CELSR1: variants seen among roughly 807,000 people sequenced by gnomAD.
CELSR1 encodes the protein cadherin EGF LAG seven-pass G-type receptor 1, also known as adhesion G protein-coupled receptor C1.
In CELSR1, 110 loss-of-function variants were observed where a neutral mutation model predicts 249.1. That is an observed-to-expected ratio of 0.44 (90% CI 0.38 to 0.52). The LOEUF (loss-of-function observed/expected upper bound fraction) is 0.52, where lower values mean the gene tolerates loss of function less well. Ranked by LOEUF, CELSR1 falls within the 20% of genes least tolerant of loss-of-function variation. The pLI is 0.00. For synonymous variants in CELSR1, 2,113 were observed against 1,900.0 expected (o/e 1.11, Z -2.92); for missense variants, 4,109 against 4,296.4 (o/e 0.96, Z 1.22).
At chr22:46,522,679 T>C (rs113585267) in intron 1 of CELSR1, among the ~76,000 whole-genome samples, 3 of 152,330 alleles carry the variant, frequency 2.0e-5, no homozygotes, top group African/African-American at 7.2e-5. Flanking sequence ...AAAAGGAGGT[T>C]TCCCCAATCA....
At position 46,386,546 on chromosome 22, in the gene CELSR1, T is replaced by C. The variant is rs2079036111; in HGVS notation, c.6595A>G (p.Thr2199Ala). The change falls in exon 19 of 35, where the codon ACC becomes GCC. Residue 2199 changes from threonine (T) to alanine (A), a missense_variant. This residue lies in a region of CELSR1 where 1,805 missense variants were observed against 1,831.6 expected (regional missense o/e 0.99). Coordinates refer to ENST00000674500, the MANE Select transcript of CELSR1 (RefSeq NM_001378328.1). ...HSGSALLAPATRAAWEQIQRS... is the reference protein window; with the variant it reads ...HSGSALLAPAARAAWEQIQRS... ...TGGATCTGCTCCCACGCCGCCCTGG[T>C]GGCTGGGGCCAGGAGGGCGCTGCCC... 6.3e-7 allele frequency: 1 copy of C among 1,598,850 alleles called. No homozygotes were observed. Among genetic ancestry groups the C allele is most frequent in the Non-Finnish European group, 8.5e-7 (1 of 1,174,848 alleles).
At chr22:46,385,193 C>T (rs1283230745) in intron 19 of CELSR1, among the ~76,000 whole-genome samples, 2 of 152,162 alleles carry the variant, frequency 1.3e-5, no homozygotes, top group Non-Finnish European at 2.9e-5. Context: ...CTCCTGCGCT[C>T]AAGCGATCCT....
chr22:46,394,370 G>A (rs956414446), intron 13 of CELSR1, 108 bp from the exon 14 acceptor site: 2 of 1,352,092 alleles, frequency 1.5e-6, no homozygotes, highest in Non-Finnish European at 1.0e-6. Flanking sequence ...GGCCTGGCTG[G>A]GTCCAGCTCT....
intron 1 of CELSR1, among the ~76,000 whole-genome samples, chr22:46,477,392 C>G (rs3788707): frequency 0.66 from 100,117 of 152,102 alleles, 33,635 homozygotes; most frequent in East Asian, 0.85. Context: ...GCATTCGTTT[C>G]CTGAACAGGA....
rs1474404428 is a variant in CELSR1 at position 46,526,183 on chromosome 22, T to C, written c.3544+7444A>G. 6.6e-6 allele frequency among the ~76,000 whole-genome samples: 1 copy of C among 152,114 alleles called. No homozygotes were observed. Among genetic ancestry groups the C allele is most frequent in the Non-Finnish European group, 1.5e-5 (1 of 67,998 alleles). The stretch of plus-strand genomic sequence containing the variant: ...TTCCCGTCCGCCTCCTGCTCCTCCA[T>C]TCCCTCCAGGTCTGATGACTCAGAG... On this transcript the variant is annotated intron_variant, in intron 1 of 34. Transcript: ENST00000674500. The surrounding 1 kb of genome is among the most constrained non-coding windows in gnomAD (Gnocchi z 4.7).
intron 25 of CELSR1, among the ~76,000 whole-genome samples, chr22:46,372,514 A>C (rs1464394747): frequency 1.9e-4 from 10 of 51,396 alleles, no homozygotes; most frequent in South Asian, 7.5e-4. Context: ...CTCACCCCCC[A>C]CCCACCCATT....
In CELSR1 at chr22:46,363,488, C is replaced by T; in HGVS notation, c.9036-241G>A. The T allele has an allele frequency of 4.3e-6, 2 of 462,064 alleles. No homozygotes were observed. Among genetic ancestry groups the T allele is most frequent in the South Asian group, 5.4e-5 (2 of 36,962 alleles). 28.6% of individuals were successfully genotyped at this position (462,064 alleles called of 1,614,324 possible). ...CTTTCAGAAGAGCGCAAGGAATCCA[C>T]GTTAGAAACCGGCCATCTCTACAGT... On this transcript the variant is annotated intron_variant, in intron 34 of 34. Transcript: ENST00000674500. This position sits in a 1 kb window ranked among gnomAD's most constrained non-coding sequence, Gnocchi z 4.3.
Position 46,468,841 on chromosome 22 carries a change from C to T in CELSR1, c.3545-4496G>A, listed in dbSNP as rs975663115. On this transcript the variant is annotated intron_variant, in intron 1 of 34. Coordinates refer to ENST00000674500, the MANE Select transcript of CELSR1 (RefSeq NM_001378328.1). The surrounding 1 kb of genome is among the most constrained non-coding windows in gnomAD (Gnocchi z 4.5). The stretch of plus-strand genomic sequence containing the variant: ...CTGAAATCCCAGCACTTTGGGAGGC[C>T]GAGGCGGCAGATCACCTGAGGTCAG... Among the ~76,000 whole-genome samples the T allele has an allele frequency of 4.6e-5, 7 of 152,018 alleles. No homozygotes were observed. Among genetic ancestry groups the T allele is most frequent in the South Asian group, 2.1e-4 (1 of 4,818 alleles).
chr22:46,460,397 C>T (rs569365560), intron 2 of CELSR1, among the ~76,000 whole-genome samples: 51 of 152,288 alleles, frequency 3.3e-4, no homozygotes, highest in African/African-American at 1.2e-3. Context: ...AGCAGGTGTA[C>T]AGCTGCGGAA....
chr22:46,431,043 A>T (rs1318902814), intron 5 of CELSR1, among the ~76,000 whole-genome samples: 1 of 152,246 alleles, frequency 6.6e-6, no homozygotes, highest in Non-Finnish European at 1.5e-5. Flanking sequence ...CTCGCAGGAA[A>T]GGCCTAATCC....
intron 20 of CELSR1, 29 bp downstream of exon 20, chr22:46,384,514 G>A (rs1437682570): frequency 1.9e-6 from 3 of 1,564,440 alleles, no homozygotes; most frequent in East Asian, 4.6e-5. Flanking sequence ...GGACTCCGAG[G>A]GCAGCAGCAG....
At chr22:46,521,620 C>A (rs2080686802) in intron 1 of CELSR1, among the ~76,000 whole-genome samples, 1 of 152,090 alleles carries the variant, frequency 6.6e-6, no homozygotes, top group Admixed American at 6.6e-5. Flanking sequence ...AATTCGAGAC[C>A]ATCCTGGCCA....
rs140392713 is a variant in CELSR1, at chr22:46,503,348, G to A, written c.3544+30279C>T. ...GGGCAGCTGAGAGGGTGCTGAGCAC[G>A]CAGGACGGGAGCCACACCTGTACTT... is the stretch of plus-strand genomic sequence containing the variant. On this transcript the variant is annotated intron_variant, in intron 1 of 34. Transcript: ENST00000674500. 3.7e-4 allele frequency among the ~76,000 whole-genome samples: 57 copies of A among 152,330 alleles called. No individual in the cohort carries two copies. In the East Asian group the frequency reaches 9.8e-3, roughly 26 times the overall value.
rs987311181 is a variant in CELSR1 at position 46,363,109 on chromosome 22, G to C, written c.*114C>G. The C allele has an allele frequency of 1.2e-6, 2 of 1,610,650 alleles. No individual in the cohort carries two copies. Among genetic ancestry groups the C allele is most frequent in the African/African-American group, 2.7e-5 (2 of 74,872 alleles). On this transcript the variant is annotated 3_prime_UTR_variant, in exon 35 of 35. Coordinates refer to ENST00000674500, the MANE Select transcript of CELSR1 (RefSeq NM_001378328.1). The surrounding 1 kb of genome is among the most constrained non-coding windows in gnomAD (Gnocchi z 4.3). ...ACACTCTGGGCCCACTCCACTTCAA[G>C]GGCAGTGGCCCCTTGGGCTCCAAGG...
At chr22:46,366,522 A>C in intron 29 of CELSR1, 42 bp from the exon 30 acceptor site, 1 of 1,409,744 alleles carries the variant, frequency 7.1e-7, no homozygotes, top group Non-Finnish European at 9.8e-7. Context: ...AGTGGTGGCC[A>C]CCACATGACC....
chr22:46,382,047 C>A lies in CELSR1; in HGVS notation c.6887G>T (p.Gly2296Val), dbSNP rs1317562435. 2 of 1,532,796 alleles carry A rather than the reference C, an allele frequency of 1.3e-6. No individual in the cohort carries two copies. Among genetic ancestry groups the A allele is most frequent in the East Asian group, 2.4e-5 (1 of 40,962 alleles). 94.9% of individuals were successfully genotyped at this position (1,532,796 alleles called of 1,614,324 possible). The change falls in exon 21 of 35, where the codon GGC becomes GTC. Residue 2296 changes from glycine to valine, a missense_variant. This residue lies in a region of CELSR1 where 1,805 missense variants were observed against 1,831.6 expected (regional missense o/e 0.99). Coordinates refer to ENST00000674500, the MANE Select transcript of CELSR1 (RefSeq NM_001378328.1). Reference sequence around the variant, plus strand: ...CCGGCCAGCCGGCCTCAGCAGGGGGCCTTCTGCAATGTGAGCAGAAGGTGA... The same window carrying A: ...CCGGCCAGCCGGCCTCAGCAGGGGGACTTCTGCAATGTGAGCAGAAGGTGA... ...DFFRPPEEKE[G>V]PLLRPAGRRT...
In CELSR1 at chr22:46,460,211, A is replaced by ACACACACCCCCCCC. The variant is rs773925316; in HGVS notation, c.4183+3495_4183+3496insGGGGGGGGTGTGTG. Among the ~76,000 whole-genome samples the ACACACACCCCCCCC allele has an allele frequency of 3.1e-3, 458 of 148,960 alleles. 2 individuals carry two copies. The highest frequency in any genetic ancestry group is 0.011 in the African/African-American group (433 of 39,884). On this transcript the variant is annotated intron_variant, in intron 2 of 34. Transcript: ENST00000674500. ...CACACACACACACACACACACACAC[A>ACACACACCCCCCCC]CACACCCATTAGCTACAGTCCCTGC...
At chr22:46,451,456 T>G (rs924848367) in intron 2 of CELSR1, among the ~76,000 whole-genome samples, 3 of 152,232 alleles carry the variant, frequency 2.0e-5, no homozygotes, top group African/African-American at 7.2e-5. Flanking sequence ...ACTGATCCAC[T>G]GCTTTGCTGT....
intron 1 of CELSR1, among the ~76,000 whole-genome samples, chr22:46,509,145 C>G (rs1602225726): frequency 6.6e-6 from 1 of 152,078 alleles, no homozygotes; most frequent in South Asian, 2.1e-4. Flanking sequence ...TGGGGGGCTG[C>G]GAGGACACTT....
Sources: allele counts gnomAD v4.1 joint callset (sites outside exome capture counted in the v4.1 genomes callset), GRCh38; gene constraint gnomAD v4.1.1; regional missense constraint gnomAD v4.1.1; non-coding constraint Gnocchi (gnomAD v3.1); transcripts MANE v1.5; gene names NCBI Gene and HGNC (gene_info 2026-07-23, HGNC 2026-07-21).